The following ELMO1 variants were observed in gnomAD, a reference collection of about 807,000 sequenced individuals.
ELMO1 encodes the protein engulfment and cell motility 1.
Under a neutral mutation model 98.9 loss-of-function variants are expected in ELMO1, and 26 were observed. The observed-to-expected ratio is 0.26, with a 90% CI of 0.19 to 0.36. The LOEUF is 0.36. Among genes scored for constraint, ELMO1 ranks in the 10% least tolerant of loss-of-function variants. ELMO1 has a pLI of 1.00. For missense variants in ELMO1, 627 were observed against 935.2 expected (o/e 0.67, Z 4.30); for synonymous variants, 346 against 346.0 (o/e 1.00, Z 0.00).
intron 1 of ELMO1, among the ~76,000 whole-genome samples, chr7:37,433,421 G>C (rs1269333882): frequency 6.6e-6 from 1 of 152,136 alleles, no homozygotes; most frequent in Non-Finnish European, 1.5e-5. Context: ...TAGAAGTCAC[G>C]GAAGGTTCTC....
intron 16 of ELMO1, among the ~76,000 whole-genome samples, chr7:36,976,336 CA>C (rs1790545135): frequency 6.6e-6 from 1 of 152,238 alleles, no homozygotes; most frequent in Non-Finnish European, 1.5e-5. Context: ...ATCATCCTAT[CA>C]TACTTCTCTG....
At chr7:37,156,148 C>G (rs1473505166) in intron 13 of ELMO1, among the ~76,000 whole-genome samples, 1 of 152,106 alleles carries the variant, frequency 6.6e-6, no homozygotes, top group Non-Finnish European at 1.5e-5. Flanking sequence ...CACAACGTAC[C>G]AGAATCTCTG....
intron 1 of ELMO1, among the ~76,000 whole-genome samples, chr7:37,382,834 T>C (rs1301743474): frequency 2.6e-5 from 4 of 152,080 alleles, no homozygotes; most frequent in Non-Finnish European, 5.9e-5. Flanking sequence ...CCCAGGTGTA[T>C]GCATGCTGCA....
chr7:36,860,593 A>G (rs994469447), intron 21 of ELMO1, among the ~76,000 whole-genome samples: 2 of 152,222 alleles, frequency 1.3e-5, no homozygotes, highest in African/African-American at 4.8e-5. Flanking sequence ...GATTTAAATA[A>G]CATCCAAAGT....
intron 1 of ELMO1, among the ~76,000 whole-genome samples, chr7:37,363,633 C>G (rs1208122399): frequency 6.6e-6 from 1 of 152,194 alleles, no homozygotes; most frequent in African/African-American, 2.4e-5. Context: ...CTTTCTACGC[C>G]CAGCTACTTG....
chr7:37,014,261 C>T (rs1252385388), intron 15 of ELMO1, among the ~76,000 whole-genome samples: 2 of 152,052 alleles, frequency 1.3e-5, no homozygotes, highest in Non-Finnish European at 2.9e-5. Flanking sequence ...CTCATTTGAT[C>T]TTTACAGTTC....
chr7:37,233,540 C>T (rs17170951), intron 7 of ELMO1, among the ~76,000 whole-genome samples: 10,796 of 152,184 alleles, frequency 0.071, 1,258 homozygotes, highest in African/African-American at 0.24. Flanking sequence ...TGATATCTAT[C>T]TAGCCACAGA....
Position 37,010,803 on chromosome 7 carries a change from G to A in ELMO1, c.1437+2496C>T, listed in dbSNP as rs557993893. ...AGCAACAGAAAAGTTATATACGCAT[G>A]ACAAAAATGTAAATACCTGATATAT... On this transcript the variant is annotated intron_variant, in intron 16 of 21. Coordinates refer to ENST00000310758, the MANE Select transcript of ELMO1 (RefSeq NM_014800.11). Among the ~76,000 whole-genome samples the A allele has an allele frequency of 5.3e-5, 8 of 152,212 alleles. No homozygotes were observed. In the East Asian group the frequency reaches 1.3e-3, roughly 26 times the overall value.
chr7:37,111,062 A>G (rs529398188), intron 14 of ELMO1, among the ~76,000 whole-genome samples: 1 of 152,190 alleles, frequency 6.6e-6, no homozygotes, highest in Non-Finnish European at 1.5e-5. Context: ...CCCCAGGACC[A>G]TGTGGGCCTC....
intron 13 of ELMO1, among the ~76,000 whole-genome samples, chr7:37,165,834 G>A (rs1270898796): frequency 6.6e-6 from 1 of 152,148 alleles, no homozygotes; most frequent in Non-Finnish European, 1.5e-5. Flanking sequence ...TTTGGTATCA[G>A]GATGATGCTG....
intron 16 of ELMO1, among the ~76,000 whole-genome samples, chr7:36,957,690 T>G (rs1443877989): frequency 1.3e-5 from 2 of 152,222 alleles, no homozygotes; most frequent in Non-Finnish European, 2.9e-5. Context: ...CTTGTGTCTT[T>G]CCAATTCACT....
chr7:37,271,721 G>T, intron 5 of ELMO1, 111 bp downstream of exon 5: 1 of 1,113,466 alleles, frequency 9.0e-7, no homozygotes, highest in Non-Finnish European at 1.3e-6. Context: ...CATTCTGGAA[G>T]CCTTTTGCTT....
At chr7:37,347,806 C>A (rs928444873) in intron 1 of ELMO1, among the ~76,000 whole-genome samples, 5 of 152,164 alleles carry the variant, frequency 3.3e-5, no homozygotes, top group African/African-American at 1.2e-4. Flanking sequence ...ATGATCAGGG[C>A]AACCTATCCC....
At chr7:37,170,295 A>G (rs1168802370) in intron 13 of ELMO1, among the ~76,000 whole-genome samples, 1 of 152,280 alleles carries the variant, frequency 6.6e-6, no homozygotes, top group African/African-American at 2.4e-5. Context: ...TCAGATGGAC[A>G]GCAGTCGCAA....
chr7:37,043,192 A>G (rs1428579928), intron 15 of ELMO1, among the ~76,000 whole-genome samples: 5 of 152,138 alleles, frequency 3.3e-5, no homozygotes, highest in Non-Finnish European at 7.4e-5. Flanking sequence ...TAAAGAAACA[A>G]CAGCAGCAAG....
intron 16 of ELMO1, among the ~76,000 whole-genome samples, chr7:36,995,139 A>G (rs1042888582): frequency 6.6e-6 from 1 of 152,232 alleles, no homozygotes; most frequent in African/African-American, 2.4e-5. Flanking sequence ...AAAGAAAAAT[A>G]TAATTAATCA....
At chr7:37,237,000 T>C (rs754322071) in intron 7 of ELMO1, among the ~76,000 whole-genome samples, 6 of 152,232 alleles carry the variant, frequency 3.9e-5, no homozygotes, top group Non-Finnish European at 8.8e-5. Flanking sequence ...GTTTGGATTA[T>C]TTGTATTTTG....
At chr7:37,273,380 G>C in intron 4 of ELMO1, among the ~76,000 whole-genome samples, 1 of 152,096 alleles carries the variant, frequency 6.6e-6, no homozygotes, top group East Asian at 1.9e-4. Flanking sequence ...TTTATAAGGG[G>C]CTCTTTCCCC....
chr7:37,396,339 C>T (rs2131439772), intron 1 of ELMO1, among the ~76,000 whole-genome samples: 2 of 152,098 alleles, frequency 1.3e-5, no homozygotes, highest in Middle Eastern at 3.4e-3. Flanking sequence ...TTGCTTGAGT[C>T]CAGGAGTTCA....
Sources: allele counts gnomAD v4.1 joint callset (sites outside exome capture counted in the v4.1 genomes callset), GRCh38; gene constraint gnomAD v4.1.1; transcripts MANE v1.5; gene names NCBI Gene and HGNC (gene_info 2026-07-23, HGNC 2026-07-21).